SOX6: variants seen among roughly 807,000 people sequenced by gnomAD.
SOX6 encodes the protein SRY-box transcription factor 6.
SOX6 carries 11 observed loss-of-function variants against 97.8 expected under a neutral mutation model. The ratio of observed to expected loss-of-function variants is 0.11; its 90% CI spans 0.07 to 0.19. The LOEUF (loss-of-function observed/expected upper bound fraction) is 0.19. SOX6 is among the 10% of genes least tolerant of loss of function. SOX6 has a pLI of 1.00. For missense variants in SOX6, 810 were observed against 1,039.5 expected (o/e 0.78, Z 3.04); for synonymous variants, 360 against 371.4 (o/e 0.97, Z 0.35).
intron 4 of SOX6, among the ~76,000 whole-genome samples, chr11:16,232,599 A>G (rs529525356): frequency 4.1e-4 from 63 of 152,118 alleles, no homozygotes; most frequent in African/African-American, 1.5e-3. Flanking sequence ...AAAGACGGAA[A>G]GGGGGGGAGA....
Position 16,011,768 on chromosome 11 carries a change from C to T in SOX6, c.1732+3174G>A, listed in dbSNP as rs537804607. Among the ~76,000 whole-genome samples, 11 of 152,060 alleles carry T rather than the reference C, an allele frequency of 7.2e-5. No individual in the cohort carries two copies. In the East Asian group the frequency reaches 1.8e-3, roughly 24 times the overall value. On this transcript the variant is annotated intron_variant, in intron 13 of 15. Transcript: ENST00000683767. Reference sequence around the variant, plus strand: ...GGTAGACATGGGGGGAGGGCATAGCCCCTTAAAATTGCTGTTCCAAAGCCA... The same window carrying T: ...GGTAGACATGGGGGGAGGGCATAGCTCCTTAAAATTGCTGTTCCAAAGCCA...
At chr11:16,185,209 G>A (rs1480365902) in intron 5 of SOX6, among the ~76,000 whole-genome samples, 1 of 152,170 alleles carries the variant, frequency 6.6e-6, no homozygotes, top group Non-Finnish European at 1.5e-5. Flanking sequence ...AGACTACAGT[G>A]TGAGAAATGA....
At chr11:16,651,781 A>C (rs1847657409) in intron 3 of SOX6, among the ~76,000 whole-genome samples, 1 of 152,214 alleles carries the variant, frequency 6.6e-6, no homozygotes, top group Non-Finnish European at 1.5e-5. Context: ...CAGAGCAATC[A>C]GACAAGAGAA....
chr11:16,174,582 G>T (rs1399675656), intron 6 of SOX6, among the ~76,000 whole-genome samples: 1 of 151,826 alleles, frequency 6.6e-6, no homozygotes, highest in African/African-American at 2.4e-5. Context: ...GCTATATCAA[G>T]TGTCACATAG....
At chr11:16,129,373 A>G (rs1727927840) in intron 6 of SOX6, among the ~76,000 whole-genome samples, 1 of 152,108 alleles carries the variant, frequency 6.6e-6, no homozygotes, top group African/African-American at 2.4e-5. Context: ...TCCCATCACA[A>G]CTTTATATGC....
At chr11:16,146,456 G>A (rs567220811) in intron 6 of SOX6, among the ~76,000 whole-genome samples, 1,827 of 152,136 alleles carry the variant, frequency 0.012, 35 homozygotes, top group African/African-American at 0.042. Flanking sequence ...GGACTTCATG[G>A]CTAAAACACC....
intron 6 of SOX6, among the ~76,000 whole-genome samples, chr11:16,122,746 G>C (rs189342075): frequency 1.9e-3 from 290 of 152,142 alleles, no homozygotes; most frequent in African/African-American, 6.8e-3. Flanking sequence ...CAAGGGCTCT[G>C]TAAAAGACTT....
At chr11:16,730,832 A>C (rs1056327479) in intron 2 of SOX6, among the ~76,000 whole-genome samples, 3 of 152,196 alleles carry the variant, frequency 2.0e-5, no homozygotes, top group African/African-American at 7.2e-5. Context: ...AAAGATCAAC[A>C]AAACAGATAG....
chr11:16,510,090 A>G (rs1024190590), intron 4 of SOX6, among the ~76,000 whole-genome samples: 1 of 152,070 alleles, frequency 6.6e-6, no homozygotes, highest in African/African-American at 2.4e-5. Context: ...ATCTAATGTC[A>G]TATCAAAACA....
chr11:16,657,687 G>A (rs1158204365), intron 3 of SOX6, among the ~76,000 whole-genome samples: 1 of 152,164 alleles, frequency 6.6e-6, no homozygotes, highest in African/African-American at 2.4e-5. Context: ...CCTAATAAGT[G>A]TATAGTGGTA....
chr11:16,275,026 G>A (rs1219587383), intron 3 of SOX6, among the ~76,000 whole-genome samples: 1 of 152,226 alleles, frequency 6.6e-6, no homozygotes, highest in Admixed American at 6.5e-5. Context: ...GCAGAATCTT[G>A]AAAAGTCTAG....
chr11:16,259,973 G>GTGTGTGTGTA (rs71044090), intron 3 of SOX6, among the ~76,000 whole-genome samples: 30 of 145,274 alleles, frequency 2.1e-4, no homozygotes, highest in African/African-American at 6.9e-4. Flanking sequence ...GTGTGTGTGT[G>GTGTGTGTGTA]TATATATACA....
chr11:16,076,534 C>A (rs1487956774), intron 9 of SOX6, among the ~76,000 whole-genome samples: 1 of 151,990 alleles, frequency 6.6e-6, no homozygotes, highest in African/African-American at 2.4e-5. Context: ...AGTCCGTTCT[C>A]CCACTGCTAT....
At chr11:16,563,840 AAAATC>A (rs751716008) in intron 4 of SOX6, among the ~76,000 whole-genome samples, 6 of 152,222 alleles carry the variant, frequency 3.9e-5, no homozygotes, top group Non-Finnish European at 8.8e-5. Context: ...TAAAAACAAA[AAAATC>A]TTAAAAGCAT....
chr11:16,302,776 G>A (rs1293960003), intron 3 of SOX6, among the ~76,000 whole-genome samples: 2 of 151,588 alleles, frequency 1.3e-5, no homozygotes, highest in Non-Finnish European at 2.9e-5. Context: ...TGCCATTTTG[G>A]CCAGGCTGAT....
chr11:16,441,356 AG>A (rs1859499403), intron 1 of SOX6, among the ~76,000 whole-genome samples: 1 of 152,178 alleles, frequency 6.6e-6, no homozygotes, highest in African/African-American at 2.4e-5. Context: ...TTGTTATTTA[AG>A]TTATGTGTAA....
intron 3 of SOX6, among the ~76,000 whole-genome samples, chr11:16,278,622 CA>C (rs1171504085): frequency 6.6e-6 from 1 of 150,992 alleles, no homozygotes; most frequent in African/African-American, 2.4e-5. Context: ...ACAATAACAT[CA>C]AGTTTAGAGC....
chr11:16,132,398 GAAAA>G lies in SOX6; in HGVS notation c.778-20479_778-20476del, dbSNP rs372372378. On this transcript the variant is annotated intron_variant, in intron 6 of 15. Coordinates refer to ENST00000683767, the MANE Select transcript of SOX6 (RefSeq NM_001367873.1). ...AGAAAGAAAGAAAGAAAGAAAGAAA[GAAAA>G]AAGAAAGAAAGAAAGAAAGAAAGAA... Among the ~76,000 whole-genome samples the G allele has an allele frequency of 7.3e-4, 35 of 48,170 alleles. 1 individual carries two copies. Among genetic ancestry groups the G allele is most frequent in the African/African-American group, 2.6e-3 (27 of 10,512 alleles). 31.6% of individuals were successfully genotyped at this position (48,170 alleles called of 152,430 possible).
At chr11:16,732,221 C>G (rs1337137122) in intron 2 of SOX6, among the ~76,000 whole-genome samples, 1 of 152,068 alleles carries the variant, frequency 6.6e-6, no homozygotes, top group Non-Finnish European at 1.5e-5. Context: ...ACTTTCTTCA[C>G]AAATTAGAAA....
Sources: allele counts gnomAD v4.1 joint callset (sites outside exome capture counted in the v4.1 genomes callset), GRCh38; gene constraint gnomAD v4.1.1; transcripts MANE v1.5; gene names NCBI Gene and HGNC (gene_info 2026-07-23, HGNC 2026-07-21).